The following XYLT1 variants were observed in gnomAD, a reference collection of about 807,000 sequenced individuals.
The protein encoded by XYLT1 is xylosyltransferase 1, also known as beta-D-xylosyltransferase 1.
XYLT1 carries 36 observed loss-of-function variants against 91.3 expected under a neutral mutation model. The observed-to-expected ratio is 0.39, with a 90% CI of 0.30 to 0.52. XYLT1 has a LOEUF of 0.52. Among genes scored for constraint, XYLT1 ranks in the 20% least tolerant of loss-of-function variants. The pLI, the probability that XYLT1 is intolerant of heterozygous loss-of-function variation, is 0.68. For synonymous variants in XYLT1, 588 were observed against 532.0 expected, an observed-to-expected ratio of 1.11 and a Z score of -1.45; for missense variants, 1,242 against 1,284.5, an observed-to-expected ratio of 0.97 and a Z score of 0.51.
At position 17,288,000 on chromosome 16, in the gene XYLT1, C is replaced by A. The variant is rs183684064; in HGVS notation, c.403-28502G>T. ...GCCAGCTGGAGTGCAGCAGCATAAT[C>A]GTAGCTCACTGCCACCTCAAGTGAG... On this transcript the variant is annotated intron_variant, in intron 2 of 11. Transcript: ENST00000261381. 2.0e-5 allele frequency among the ~76,000 whole-genome samples: 3 copies of A among 150,140 alleles called. No homozygotes were observed. In the Admixed American group the frequency reaches 2.0e-4, roughly 10 times the overall value.
intron 5 of XYLT1, among the ~76,000 whole-genome samples, chr16:17,183,229 G>T (rs966453177): frequency 1.3e-5 from 2 of 152,194 alleles, no homozygotes; most frequent in Admixed American, 1.3e-4. Flanking sequence ...GGGGACTAAA[G>T]CAGAAAGTGG....
chr16:17,162,223 C>T (rs2031572249), intron 5 of XYLT1, among the ~76,000 whole-genome samples: 1 of 152,014 alleles, frequency 6.6e-6, no homozygotes, highest in Non-Finnish European at 1.5e-5. Flanking sequence ...GCCCGGCCAA[C>T]ATGATGAAAC....
At chr16:17,316,597 A>G (rs1200037960) in intron 2 of XYLT1, among the ~76,000 whole-genome samples, 1 of 151,724 alleles carries the variant, frequency 6.6e-6, no homozygotes, top group Non-Finnish European at 1.5e-5. Flanking sequence ...AGGTTTCACT[A>G]TGTTGTCCAG....
chr16:17,108,927 A>C lies in XYLT1; in HGVS notation c.2648T>G (p.Ile883Ser), dbSNP rs768545631. Residue 883 changes from isoleucine (I) to serine (S), a missense_variant, in exon 12 of 12, where the codon ATC becomes AGC. By Grantham distance (142) the Ile-to-Ser change is moderately radical. Around this residue, in one of 3 missense-constraint regions of XYLT1, gnomAD observed 511 missense variants for 497.0 expected, o/e 1.03. Transcript: ENST00000261381. ...QSLNPVLSLP[I>S]NPAQVEQARR... ...TGCCTGTTCCACCTGGGCGGGGTTGATGGGCAGGCTGAGGACGGGGTTTAG... is the reference window on the plus strand; with the variant it reads ...TGCCTGTTCCACCTGGGCGGGGTTGCTGGGCAGGCTGAGGACGGGGTTTAG... The C allele has an allele frequency of 6.3e-7, 1 of 1,599,220 alleles. No individual in the cohort carries two copies. The highest frequency in any genetic ancestry group is 1.1e-5 in the South Asian group (1 of 89,520).
At chr16:17,292,118 A>G (rs575902490) in intron 2 of XYLT1, among the ~76,000 whole-genome samples, 93 of 151,956 alleles carry the variant, frequency 6.1e-4, no homozygotes, top group Non-Finnish European at 1.0e-3. Context: ...ATACACATAT[A>G]TATCTGTGTG....
At chr16:17,449,681 T>C (rs983877522) in intron 1 of XYLT1, among the ~76,000 whole-genome samples, 8 of 152,224 alleles carry the variant, frequency 5.3e-5, no homozygotes, top group Admixed American at 2.6e-4. Flanking sequence ...GCTTAATAAA[T>C]GGTAGCTGCT....
chr16:17,165,334 A>C (rs2141549626), intron 5 of XYLT1, among the ~76,000 whole-genome samples: 1 of 152,206 alleles, frequency 6.6e-6, no homozygotes, highest in East Asian at 1.9e-4. Flanking sequence ...TGCTTCTCTC[A>C]CTCATCAGCA....
At chr16:17,204,878 A>G (rs1567321907) in intron 3 of XYLT1, among the ~76,000 whole-genome samples, 2 of 151,714 alleles carry the variant, frequency 1.3e-5, no homozygotes, top group Non-Finnish European at 2.9e-5. Flanking sequence ...TGCAGGACAG[A>G]TATAACAATG....
At chr16:17,415,871 A>T (rs1481449211) in intron 1 of XYLT1, among the ~76,000 whole-genome samples, 2 of 152,192 alleles carry the variant, frequency 1.3e-5, no homozygotes, top group Non-Finnish European at 2.9e-5. Context: ...AATCAAATGG[A>T]TCCCTGATCA....
At chr16:17,181,745 A>C (rs968069923) in intron 5 of XYLT1, among the ~76,000 whole-genome samples, 1 of 151,938 alleles carries the variant, frequency 6.6e-6, no homozygotes, top group Non-Finnish European at 1.5e-5. Context: ...CTCCTCCCAA[A>C]TGAATTGCAC....
chr16:17,313,941 G>T (rs1005907828), intron 2 of XYLT1, among the ~76,000 whole-genome samples: 1 of 152,176 alleles, frequency 6.6e-6, no homozygotes, highest in African/African-American at 2.4e-5. Flanking sequence ...TCAAAATGCA[G>T]TTGCCTCAGA....
chr16:17,141,006 T>C, intron 7 of XYLT1, 147 bp downstream of exon 7: 1 of 790,202 alleles, frequency 1.3e-6, no homozygotes, highest in Non-Finnish European at 2.1e-6. Context: ...AGACCAGGCA[T>C]CCTGCTAAGA....
At chr16:17,198,647 A>G (rs944382500) in intron 4 of XYLT1, among the ~76,000 whole-genome samples, 2 of 152,204 alleles carry the variant, frequency 1.3e-5, no homozygotes, top group African/African-American at 4.8e-5. Flanking sequence ...CACTGGCCGC[A>G]CTTCTGAGCT....
intron 3 of XYLT1, among the ~76,000 whole-genome samples, chr16:17,234,439 C>A (rs1424724222): frequency 1.3e-5 from 2 of 152,124 alleles, no homozygotes; most frequent in East Asian, 3.8e-4. Context: ...TTCTGCACAG[C>A]TATCACCCGT....
chr16:17,448,057 T>C (rs902970707), intron 1 of XYLT1, among the ~76,000 whole-genome samples: 5 of 152,208 alleles, frequency 3.3e-5, no homozygotes, highest in Non-Finnish European at 2.9e-5. Flanking sequence ...AGAAAGGCTA[T>C]TTACTAAATA....
intron 2 of XYLT1, among the ~76,000 whole-genome samples, chr16:17,330,686 C>A (rs945605097): frequency 6.6e-6 from 1 of 151,660 alleles, no homozygotes; most frequent in East Asian, 1.9e-4. Flanking sequence ...TCCAGCTACT[C>A]GGGAGGCTGA....
At position 17,405,066 on chromosome 16, in the gene XYLT1, T is replaced by C. The variant is rs13332307; in HGVS notation, c.364-47016A>G. 2.5e-3 allele frequency among the ~76,000 whole-genome samples: 380 copies of C among 152,076 alleles called. 2 individuals are homozygous for C. Among genetic ancestry groups the C allele is most frequent in the African/African-American group, 8.6e-3 (355 of 41,494 alleles). On this transcript the variant is annotated intron_variant, in intron 1 of 11. Coordinates refer to ENST00000261381, the MANE Select transcript of XYLT1 (RefSeq NM_022166.4). ...AGGGCCCCTGGTTAATCAAACGGCC[T>C]CGCCACCCCGCGCCACCTCTCTACA...
chr16:17,390,794 G>C (rs552239641), intron 1 of XYLT1, among the ~76,000 whole-genome samples: 1 of 152,198 alleles, frequency 6.6e-6, no homozygotes, highest in Non-Finnish European at 1.5e-5. Context: ...CCAACACTTT[G>C]GGAGCCTGAG....
intron 3 of XYLT1, among the ~76,000 whole-genome samples, chr16:17,230,674 G>C (rs2033144188): frequency 6.6e-6 from 1 of 152,218 alleles, no homozygotes; most frequent in East Asian, 1.9e-4. Context: ...GCCCTTCCAA[G>C]GTCATCTGAG....
Sources: gnomAD v4.1 joint callset for allele counts (sites outside exome capture counted in the v4.1 genomes callset) on GRCh38, gnomAD v4.1.1 for gene constraint, gnomAD v4.1.1 regional missense constraint, MANE v1.5 for transcripts, NCBI Gene and HGNC (gene_info 2026-07-23, HGNC 2026-07-21) for gene names.